Variants in PTPRM observed in about 807,000 individuals in gnomAD.
PTPRM encodes the protein protein tyrosine phosphatase receptor type M, also known as receptor-type tyrosine-protein phosphatase mu.
A neutral mutation model predicts 186.7 loss-of-function variants in PTPRM; 47 were observed. That is an observed-to-expected ratio of 0.25 (90% CI 0.20 to 0.32). PTPRM has a LOEUF of 0.32. PTPRM is among the 10% of genes least tolerant of loss of function. The pLI is 1.00. For synonymous variants in PTPRM, 668 were observed against 674.9 expected (o/e 0.99, Z 0.16); for missense variants, 1,494 against 1,865.0 (o/e 0.80, Z 3.66).
At chr18:8,260,620 G>A (rs915711202) in intron 19 of PTPRM, among the ~76,000 whole-genome samples, 5 of 152,112 alleles carry the variant, frequency 3.3e-5, no homozygotes, top group African/African-American at 1.2e-4. Flanking sequence ...TGCCACACCA[G>A]GGACCAGATT....
At chr18:7,629,823 C>T (rs1298455442) in intron 1 of PTPRM, among the ~76,000 whole-genome samples, 2 of 152,088 alleles carry the variant, frequency 1.3e-5, no homozygotes, top group East Asian at 3.9e-4. Context: ...TTTTAAAGAT[C>T]TCTCAGACTG....
chr18:7,765,900 C>G (rs1211016749), intron 1 of PTPRM, among the ~76,000 whole-genome samples: 1 of 152,092 alleles, frequency 6.6e-6, no homozygotes, highest in Non-Finnish European at 1.5e-5. Context: ...TTTAAATGGA[C>G]TATAATTATA....
rs191538486 is a variant in PTPRM, at chr18:7,796,881, C to T, written c.196+22610C>T. The stretch of plus-strand genomic sequence containing the variant: ...TTTTCTTGTCATTTCCCTCTGGATG[C>T]GTGTATATAGCACACATGTAACTTT... On this transcript the variant is annotated intron_variant, in intron 2 of 32. Coordinates refer to ENST00000580170, the MANE Select transcript of PTPRM (RefSeq NM_001105244.2). Among the ~76,000 whole-genome samples, 340 of 152,280 alleles carry T rather than the reference C, an allele frequency of 2.2e-3. 3 individuals carry two copies. The highest frequency in any genetic ancestry group is 3.4e-3 in the Middle Eastern group (1 of 294).
At chr18:8,376,736 T>TCCCA in intron 26 of PTPRM, 139 bp downstream of exon 26, 5 of 992,122 alleles carry the variant, frequency 5.0e-6, no homozygotes, top group Non-Finnish European at 7.0e-6. Flanking sequence ...GTTCCTTCCC[T>TCCCA]CCCTCCCTCC....
At chr18:7,977,367 G>A (rs1032739869) in intron 7 of PTPRM, among the ~76,000 whole-genome samples, 1 of 152,040 alleles carries the variant, frequency 6.6e-6, no homozygotes, top group Non-Finnish European at 1.5e-5. Flanking sequence ...GGGATTACAG[G>A]CGTGAGTGAC....
chr18:7,759,381 T>A (rs116950049), intron 1 of PTPRM, among the ~76,000 whole-genome samples: 2,569 of 152,340 alleles, frequency 0.017, 169 homozygotes, highest in Admixed American at 0.12. Context: ...GGTGACACTT[T>A]GTTTAACTTA....
intron 7 of PTPRM, among the ~76,000 whole-genome samples, chr18:8,068,373 T>C (rs536709698): frequency 2.6e-5 from 4 of 152,340 alleles, no homozygotes; most frequent in Admixed American, 2.0e-4. Context: ...CCTAAAACCC[T>C]GAATGCTGAA....
At chr18:8,238,651 G>GTTTTT (rs71165776) in intron 14 of PTPRM, among the ~76,000 whole-genome samples, 328 of 25,620 alleles carry the variant, frequency 0.013, 41 homozygotes, top group East Asian at 0.036. Flanking sequence ...TGTTTTGTGT[G>GTTTTT]TTTTTTTTTT....
At chr18:7,584,997 A>G (rs548795984) in intron 1 of PTPRM, among the ~76,000 whole-genome samples, 1 of 152,222 alleles carries the variant, frequency 6.6e-6, no homozygotes, top group Non-Finnish European at 1.5e-5. Flanking sequence ...CAACTGACAT[A>G]GACAGCGTGG....
At chr18:7,600,653 G>C (rs1482026129) in intron 1 of PTPRM, among the ~76,000 whole-genome samples, 1 of 152,152 alleles carries the variant, frequency 6.6e-6, no homozygotes, top group African/African-American at 2.4e-5. Flanking sequence ...TGCTCATTCA[G>C]CAGTCTCTCC....
intron 2 of PTPRM, among the ~76,000 whole-genome samples, chr18:7,832,425 C>T (rs2045808480): frequency 6.6e-6 from 1 of 151,994 alleles, no homozygotes; most frequent in South Asian, 2.1e-4. Context: ...TGTATGTCTT[C>T]TTTTGAGACG....
intron 7 of PTPRM, among the ~76,000 whole-genome samples, chr18:7,959,889 T>A (rs1029119796): frequency 3.7e-4 from 56 of 152,242 alleles, no homozygotes; most frequent in African/African-American, 1.3e-3. Context: ...ACTTTGCAGT[T>A]CAGCTATAGT....
At chr18:7,740,688 G>A (rs2144503558) in intron 1 of PTPRM, among the ~76,000 whole-genome samples, 1 of 152,220 alleles carries the variant, frequency 6.6e-6, no homozygotes, top group East Asian at 1.9e-4. Context: ...CCAAAATGTT[G>A]GAATTACAGT....
At chr18:7,911,678 C>T (rs1035138461) in intron 4 of PTPRM, among the ~76,000 whole-genome samples, 5 of 152,104 alleles carry the variant, frequency 3.3e-5, no homozygotes, top group African/African-American at 1.2e-4. Context: ...GTTGTTTTCT[C>T]ATTTTCTTGA....
chr18:7,766,794 C>G (rs1212176691), intron 1 of PTPRM, among the ~76,000 whole-genome samples: 1 of 152,198 alleles, frequency 6.6e-6, no homozygotes, highest in Non-Finnish European at 1.5e-5. Flanking sequence ...GTTAAAGCAT[C>G]TGGATACATT....
rs1405371493 is a variant in PTPRM, at chr18:8,343,692, C to T, written c.3054+172C>T. Among the ~76,000 whole-genome samples, 13 of 152,208 alleles carry T rather than the reference C, an allele frequency of 8.5e-5. No individual in the cohort carries two copies. In the East Asian group the frequency reaches 2.5e-3, roughly 29 times the overall value. ...CTTATAAATTATCAGTAAACATAGC[C>T]TGAATTGCTTTCATTTGTTGCGATA... On this transcript the variant is annotated intron_variant, in intron 23 of 32. Coordinates refer to ENST00000580170, the MANE Select transcript of PTPRM (RefSeq NM_001105244.2).
At chr18:8,387,357 G>A in intron 31 of PTPRM, 122 bp downstream of exon 31, 3 of 1,019,210 alleles carry the variant, frequency 2.9e-6, no homozygotes, top group South Asian at 3.4e-5. Flanking sequence ...CTAGGTGAAG[G>A]GGTGATCATG....
intron 7 of PTPRM, among the ~76,000 whole-genome samples, chr18:7,995,013 G>C (rs1698835377): frequency 6.6e-6 from 1 of 151,884 alleles, no homozygotes; most frequent in Admixed American, 6.6e-5. Flanking sequence ...GAGACTAAAA[G>C]AGATTAACAA....
chr18:8,382,416 T>A (rs2095742870), intron 29 of PTPRM, among the ~76,000 whole-genome samples: 1 of 152,126 alleles, frequency 6.6e-6, no homozygotes, highest in Non-Finnish European at 1.5e-5. Context: ...ATGTACATGT[T>A]ACAGCTTTTA....
Sources: allele counts gnomAD v4.1 joint callset (sites outside exome capture counted in the v4.1 genomes callset), GRCh38; gene constraint gnomAD v4.1.1; transcripts MANE v1.5; gene names NCBI Gene and HGNC (gene_info 2026-07-23, HGNC 2026-07-21).